Variants in ZNF608 observed in about 807,000 individuals in gnomAD.
ZNF608 encodes renal carcinoma antigen NY-REN-36.
A neutral mutation model predicts 109.0 loss-of-function variants in ZNF608; 12 were observed. The ratio of observed to expected loss-of-function variants is 0.11; its 90% CI spans 0.07 to 0.18. The LOEUF is 0.18. Ranked by LOEUF, ZNF608 falls within the 10% of genes least tolerant of loss-of-function variation. ZNF608 has a pLI of 1.00. For missense variants in ZNF608, 1,707 were observed against 1,879.3 expected, an observed-to-expected ratio of 0.91 and a Z score of 1.70; for synonymous variants, 732 against 717.4, an observed-to-expected ratio of 1.02 and a Z score of -0.33.
chr5:124,737,956 A>G (rs1749223227), intron 2 of ZNF608, among the ~76,000 whole-genome samples: 1 of 152,226 alleles, frequency 6.6e-6, no homozygotes, highest in African/African-American at 2.4e-5. Flanking sequence ...TGGGAGAAAG[A>G]ATTAGACACA....
intron 2 of ZNF608, among the ~76,000 whole-genome samples, chr5:124,711,092 A>AG (rs1753469850): frequency 6.6e-6 from 1 of 152,200 alleles, no homozygotes; most frequent in South Asian, 2.1e-4. Context: ...CCCCCTACCA[A>AG]GTTCTAAACC....
intron 3 of ZNF608, among the ~76,000 whole-genome samples, chr5:124,668,424 C>T (rs1196766006): frequency 6.6e-6 from 1 of 151,246 alleles, no homozygotes; most frequent in Non-Finnish European, 1.5e-5. Context: ...AATTTTCAAG[C>T]ACAAAAGAAT....
At chr5:124,666,505 T>G (rs1355446866) in intron 3 of ZNF608, 1 of 152,240 alleles carries the variant, frequency 6.6e-6, no homozygotes, top group East Asian at 1.9e-4. Context: ...GTAGTTTCTT[T>G]TAAAATGTCA....
intron 3 of ZNF608, among the ~76,000 whole-genome samples, chr5:124,695,748 G>A (rs1032567789): frequency 2.6e-5 from 4 of 151,014 alleles, no homozygotes; most frequent in Non-Finnish European, 5.9e-5. Flanking sequence ...CAGCCTGAGC[G>A]ATGAACTGAG....
chr5:124,709,170 C>CCAAAAAAA (rs1753387837), intron 2 of ZNF608, among the ~76,000 whole-genome samples: 1 of 32,710 alleles, frequency 3.1e-5, no homozygotes, highest in African/African-American at 1.2e-4. Flanking sequence ...GACTCTGTCT[C>CCAAAAAAA]AAAAAAAAAA....
chr5:124,730,205 T>G (rs1748827015), intron 2 of ZNF608, among the ~76,000 whole-genome samples: 2 of 152,240 alleles, frequency 1.3e-5, no homozygotes, highest in African/African-American at 4.8e-5. Flanking sequence ...TGTGTTTATG[T>G]GTTAAACACT....
At position 124,644,526 on chromosome 5, in the gene ZNF608, C is replaced by T. The variant is rs1476950797; in HGVS notation, c.3841G>A (p.Val1281Met). Reference sequence around the variant, plus strand: ...GTTAACGATACAGGAAGGCTGGGCACACCACTCTCTTTATTAGGAGTTTTC... The same window carrying T: ...GTTAACGATACAGGAAGGCTGGGCATACCACTCTCTTTATTAGGAGTTTTC... Reference protein sequence around the residue: ...PRKTPNKESGVPSLPVSLTSI... With the variant: ...PRKTPNKESGMPSLPVSLTSI... Residue 1281 changes from valine to methionine, a missense_variant, in exon 6 of 10, where the codon GTG becomes ATG. Physicochemically the swap from Val to Met is conservative, Grantham distance 21 (BLOSUM62 1). Around this residue, in one of 7 missense-constraint regions of ZNF608, gnomAD observed 1,073 missense variants for 1,133.5 expected, o/e 0.95. Coordinates refer to ENST00000513986, the MANE Select transcript of ZNF608 (RefSeq NM_020747.3). 2 of 1,614,138 alleles carry T rather than the reference C, an allele frequency of 1.2e-6. No homozygotes were observed. Among genetic ancestry groups the T allele is most frequent in the East Asian group, 2.2e-5 (1 of 44,880 alleles).
Position 124,744,726 on chromosome 5 carries a change from A to C in ZNF608, c.264T>G (p.Val88=). ...AATTCCCCTGGGGAGCAGAGGCCTG[A>C]ACAGAAGCAAATTTTAGGCCATCAG... ...ALADGLKFAS[V]QASAPQGNSH... The change falls in exon 2 of 10, where the codon GTT becomes GTG. Residue 88 remains valine, a synonymous_variant. Transcript: ENST00000513986. This position sits in a 1 kb window ranked among gnomAD's most constrained non-coding sequence, Gnocchi z 4.5. The C allele has an allele frequency of 6.2e-7, 1 of 1,614,138 alleles. No homozygotes were observed. Among genetic ancestry groups the C allele is most frequent in the Non-Finnish European group, 8.5e-7 (1 of 1,180,018 alleles).
intron 2 of ZNF608, among the ~76,000 whole-genome samples, chr5:124,715,960 G>T (rs1753675644): frequency 6.6e-6 from 1 of 151,814 alleles, no homozygotes; most frequent in Non-Finnish European, 1.5e-5. Context: ...TGGCTAACAC[G>T]GTGAAACCCT....
chr5:124,716,645 A>G (rs1468951530), intron 2 of ZNF608, among the ~76,000 whole-genome samples: 1 of 152,122 alleles, frequency 6.6e-6, no homozygotes, highest in Non-Finnish European at 1.5e-5. Flanking sequence ...GGATAGGTGA[A>G]ATTTTTTCAG....
rs993196414 is a variant in ZNF608 at position 124,641,486 on chromosome 5, G to T, written c.4297-81C>A. 8.0e-6 allele frequency: 11 copies of T among 1,382,306 alleles called. No individual in the cohort carries two copies. The African/African-American group carries it at 1.6e-4, about 20-fold the overall frequency. 85.6% of individuals were successfully genotyped at this position (1,382,306 alleles called of 1,614,324 possible). On this transcript the variant is annotated intron_variant, in intron 7 of 9. Coordinates refer to ENST00000513986, the MANE Select transcript of ZNF608 (RefSeq NM_020747.3). ...AGTACTAAACCACCTTTGTCCCTTC[G>T]ACAATATTGTGTTAATGATTAAAAA...
chr5:124,648,637 T>C lies in ZNF608; in HGVS notation c.1747A>G (p.Asn583Asp), dbSNP rs1750650055. Residue 583 changes from asparagine to aspartate, a missense_variant, in exon 5 of 10, where the codon AAC becomes GAC. Coordinates refer to ENST00000513986, the MANE Select transcript of ZNF608 (RefSeq NM_020747.3). Reference protein sequence around the residue: ...HQAHAHLDPENKLEFEPDSED... With the variant: ...HQAHAHLDPEDKLEFEPDSED... ...CTGTCAGGCTCGAACTCCAGCTTGT[T>C]TTCTGGGTCTAAGTGTGCATGAGCC... The C allele has an allele frequency of 6.2e-7, 1 of 1,614,086 alleles. No individual in the cohort carries two copies. Among genetic ancestry groups the C allele is most frequent in the South Asian group, 1.1e-5 (1 of 91,094 alleles).
At chr5:124,654,277 C>G (rs1750915508) in intron 3 of ZNF608, among the ~76,000 whole-genome samples, 1 of 152,094 alleles carries the variant, frequency 6.6e-6, no homozygotes, top group African/African-American at 2.4e-5. Context: ...CCCCGTCAGC[C>G]TCCCAAAATG....
intron 2 of ZNF608, among the ~76,000 whole-genome samples, chr5:124,740,069 G>T (rs1033037108): frequency 3.9e-5 from 6 of 152,098 alleles, no homozygotes; most frequent in African/African-American, 1.2e-4. Context: ...GTTTTTTACA[G>T]ACTATTTGCA....
At chr5:124,690,988 CT>C (rs796088030) in intron 3 of ZNF608, among the ~76,000 whole-genome samples, 1 of 150,532 alleles carries the variant, frequency 6.6e-6, no homozygotes, top group East Asian at 1.9e-4. Flanking sequence ...TTTTACACAA[CT>C]TTTTTTACAC....
Position 124,744,775 on chromosome 5 carries a change from CCACT to C in ZNF608, c.211_214del (p.Ser71GlyfsTer8). On this transcript the variant is annotated frameshift_variant, in exon 2 of 10. Coordinates refer to ENST00000513986, the MANE Select transcript of ZNF608 (RefSeq NM_020747.3). LOFTEE classifies it high-confidence loss of function. This position sits in a 1 kb window ranked among gnomAD's most constrained non-coding sequence, Gnocchi z 4.5. ...AGCTAAGGCTGCGGTAGCACCAGCC[CCACT>C]GGAGGCCGGACCTCCACAATCCTTG... 2 of 1,614,204 alleles carry C rather than the reference CCACT, an allele frequency of 1.2e-6. No individual in the cohort carries two copies. The highest frequency in any genetic ancestry group is 1.7e-6 in the Non-Finnish European group (2 of 1,180,032).
At chr5:124,683,670 T>C (rs189891552) in intron 3 of ZNF608, among the ~76,000 whole-genome samples, 9 of 152,320 alleles carry the variant, frequency 5.9e-5, no homozygotes, top group Admixed American at 3.3e-4. Flanking sequence ...TGTAGAGCTA[T>C]GTGGCTGTTT....
intron 9 of ZNF608, 136 bp from the exon 10 acceptor site, chr5:124,638,042 C>A: frequency 2.5e-6 from 2 of 807,544 alleles, no homozygotes; most frequent in South Asian, 1.5e-5. Flanking sequence ...CCTCTGCCTC[C>A]TGGGTTCAAG....
intron 3 of ZNF608, among the ~76,000 whole-genome samples, chr5:124,688,913 C>T (rs1240492023): frequency 1.3e-5 from 2 of 152,022 alleles, no homozygotes; most frequent in Non-Finnish European, 2.9e-5. Context: ...AGTGTATCTA[C>T]CTAGAACTAC....
Sources: allele counts gnomAD v4.1 joint callset (sites outside exome capture counted in the v4.1 genomes callset), GRCh38; gene constraint gnomAD v4.1.1; regional missense constraint gnomAD v4.1.1; non-coding constraint Gnocchi (gnomAD v3.1); transcripts MANE v1.5; gene names NCBI Gene and HGNC (gene_info 2026-07-23, HGNC 2026-07-21).